PSMD1: variants seen among roughly 807,000 people sequenced by gnomAD.
PSMD1 encodes the protein proteasome 26S subunit, non-ATPase 1.
A neutral mutation model predicts 119.0 loss-of-function variants in PSMD1; 18 were observed. The ratio of observed to expected loss-of-function variants is 0.15; its 90% CI spans 0.10 to 0.22. PSMD1 has a LOEUF of 0.22. Ranked by LOEUF, PSMD1 falls within the 10% of genes least tolerant of loss-of-function variation. The pLI is 1.00. For missense variants in PSMD1, 702 were observed against 1,158.5 expected (o/e 0.61, Z 5.72); for synonymous variants, 374 against 396.6 (o/e 0.94, Z 0.68).
chr2:231,110,810 G>A (rs557900553), intron 16 of PSMD1, among the ~76,000 whole-genome samples: 2 of 152,284 alleles, frequency 1.3e-5, no homozygotes, highest in East Asian at 3.9e-4. Flanking sequence ...GTAACATATT[G>A]TCTGTGGCTG....
intron 16 of PSMD1, among the ~76,000 whole-genome samples, chr2:231,131,954 A>G (rs1695865042): frequency 6.6e-6 from 1 of 152,164 alleles, no homozygotes; most frequent in Non-Finnish European, 1.5e-5. Flanking sequence ...AATGTGTCAG[A>G]GTTGGAACTG....
At chr2:231,123,494 A>G (rs777987878) in intron 16 of PSMD1, 2 of 1,614,098 alleles carry the variant, frequency 1.2e-6, no homozygotes, top group South Asian at 1.1e-5. Context: ...ATTAGAAAGT[A>G]ATTAGTAGCA....
chr2:231,163,675 C>T lies in PSMD1; in HGVS notation c.2429C>T (p.Thr810Ile), dbSNP rs1159122584. 6.2e-7 allele frequency: 1 copy of T among 1,613,298 alleles called. No individual in the cohort carries two copies. The highest frequency in any genetic ancestry group is 1.1e-5 in the South Asian group (1 of 91,038). The part of the protein sequence containing the change: ...VQYKSNCKPS[T>I]FAYPAPLEVP... Reference sequence around the variant, plus strand: ...TATAAATCGAACTGTAAACCATCCACATTTGCATATCCTGCCCCTCTGGAA... The same window carrying T: ...TATAAATCGAACTGTAAACCATCCATATTTGCATATCCTGCCCCTCTGGAA... The change falls in exon 21 of 25, where the codon ACA becomes ATA. Residue 810 changes from threonine (T) to isoleucine (I), a missense_variant. This residue lies in a region of PSMD1 where 152 missense variants were observed against 239.3 expected (regional missense o/e 0.64). Coordinates refer to ENST00000308696, the MANE Select transcript of PSMD1 (RefSeq NM_002807.4).
intron 16 of PSMD1, chr2:231,108,754 C>T (rs1441670478): frequency 8.1e-6 from 13 of 1,614,022 alleles, no homozygotes; most frequent in Non-Finnish European, 1.0e-5. Context: ...TTTTTACTGA[C>T]TTTGTGGCCC....
intron 7 of PSMD1, among the ~76,000 whole-genome samples, chr2:231,073,772 G>A (rs1202147453): frequency 1.3e-5 from 2 of 151,702 alleles, no homozygotes; most frequent in Non-Finnish European, 2.9e-5. Flanking sequence ...TTGTGAAGTG[G>A]TATTTTTAAA....
intron 17 of PSMD1, among the ~76,000 whole-genome samples, chr2:231,144,733 T>TA (rs1229822310): frequency 1.3e-5 from 2 of 152,156 alleles, no homozygotes; most frequent in African/African-American, 4.8e-5. Context: ...GAGGTTGAAT[T>TA]ATACAAATTT....
chr2:231,168,037 G>T (rs578157707), intron 23 of PSMD1, among the ~76,000 whole-genome samples: 1 of 152,278 alleles, frequency 6.6e-6, no homozygotes, highest in Admixed American at 6.5e-5. Flanking sequence ...ATATGATTGT[G>T]CCTATGAACA....
intron 19 of PSMD1, among the ~76,000 whole-genome samples, 177 bp downstream of exon 19, chr2:231,153,843 A>G (rs1196854747): frequency 1.3e-5 from 2 of 152,124 alleles, no homozygotes; most frequent in African/African-American, 4.8e-5. Flanking sequence ...GCCGGGCGCA[A>G]TGGTTCATGC....
At chr2:231,103,697 G>A (rs1025209636) in intron 16 of PSMD1, among the ~76,000 whole-genome samples, 12 of 152,232 alleles carry the variant, frequency 7.9e-5, no homozygotes, top group African/African-American at 2.6e-4. Flanking sequence ...TTTCTAGGAG[G>A]TGATTCATTT....
At position 231,108,991 on chromosome 2, in the gene PSMD1, C is replaced by G. The variant is rs200541113; in HGVS notation, c.1883+21810C>G. The G allele has an allele frequency of 2.5e-4, 406 of 1,614,148 alleles. 1 individual carries two copies. The East Asian group carries it at 8.6e-3, about 34-fold the overall frequency. On this transcript the variant is annotated intron_variant, in intron 16 of 24. Transcript: ENST00000308696. ...AGAGGAAAAACACAATCCCTAGGACCTTTGAGGCTCTCTGTTCGTTGGAAA... is the reference window on the plus strand; with the variant it reads ...AGAGGAAAAACACAATCCCTAGGACGTTTGAGGCTCTCTGTTCGTTGGAAA...
chr2:231,137,573 G>A (rs1013044975), intron 16 of PSMD1, among the ~76,000 whole-genome samples: 5 of 151,654 alleles, frequency 3.3e-5, no homozygotes, highest in African/African-American at 1.2e-4. Context: ...TTAGATTCTG[G>A]GGGTACATGT....
intron 16 of PSMD1, among the ~76,000 whole-genome samples, chr2:231,096,357 T>G (rs1694725911): frequency 6.6e-6 from 1 of 151,634 alleles, no homozygotes; most frequent in South Asian, 2.1e-4. Context: ...GGAGATGGAG[T>G]CGGTAAGGTA....
intron 16 of PSMD1, among the ~76,000 whole-genome samples, chr2:231,136,993 T>C (rs1695982924): frequency 1.4e-5 from 2 of 145,182 alleles, no homozygotes; most frequent in Non-Finnish European, 3.0e-5. Flanking sequence ...ATAATTATAA[T>C]ATATAAATAA....
At chr2:231,160,984 G>A (rs1032824199) in intron 19 of PSMD1, among the ~76,000 whole-genome samples, 7 of 152,178 alleles carry the variant, frequency 4.6e-5, no homozygotes, top group African/African-American at 1.4e-4. Context: ...GCTGAGTCGG[G>A]AGGATCATAT....
intron 12 of PSMD1, among the ~76,000 whole-genome samples, chr2:231,081,905 A>G (rs1044129990): frequency 1.3e-5 from 2 of 152,058 alleles, no homozygotes; most frequent in African/African-American, 4.8e-5. Flanking sequence ...ACCCATGAAC[A>G]TACTCTCATC....
In PSMD1 at chr2:231,083,619, T is replaced by C. The variant is rs1694366173; in HGVS notation, c.1578T>C (p.Ala526=). ...LGLVMLGSKN[A]QAIEDMVGYA... ...TGGTTATGTTGGGCTCTAAAAATGC[T>C]CAGGCTATTGAGGACATGGTTGGTT... The change falls in exon 14 of 25, where the codon GCT becomes GCC. Residue 526 remains alanine, a synonymous_variant. Coordinates refer to ENST00000308696, the MANE Select transcript of PSMD1 (RefSeq NM_002807.4). 1 of 1,614,218 alleles carries C rather than the reference T, an allele frequency of 6.2e-7. No individual in the cohort carries two copies. Among genetic ancestry groups the C allele is most frequent in the Non-Finnish European group, 8.5e-7 (1 of 1,180,036 alleles).
rs1693788210 is a variant in PSMD1 at position 231,062,656 on chromosome 2, A to G, written c.285A>G (p.Glu95=). ...GDLFNVNDNS[E]YVETIIAKCI... ...TCTTCAATGTCAATGATAACTCTGA[A>G]TATGTGGAAACTATTATAGGTAATT... The change falls in exon 4 of 25, where the codon GAA becomes GAG. Residue 95 remains glutamate, a synonymous_variant. Transcript: ENST00000308696. 1 of 1,607,612 alleles carries G rather than the reference A, an allele frequency of 6.2e-7. No individual in the cohort carries two copies. Among genetic ancestry groups the G allele is most frequent in the Admixed American group, 1.7e-5 (1 of 58,232 alleles).
At chr2:231,146,171 G>A (rs1237179145) in intron 17 of PSMD1, 69 bp from the exon 18 acceptor site, 15 of 1,036,004 alleles carry the variant, frequency 1.4e-5, no homozygotes, top group Non-Finnish European at 2.3e-5. Flanking sequence ...CATGGCATGT[G>A]ACTATAAATT....
intron 15 of PSMD1, 54 bp from the exon 16 acceptor site, chr2:231,087,063 T>C: frequency 1.4e-6 from 2 of 1,459,832 alleles, no homozygotes; most frequent in Non-Finnish European, 1.9e-6. Context: ...TCATGTCAGT[T>C]TGGTCTAGTG....
Sources: gnomAD v4.1 joint callset for allele counts (sites outside exome capture counted in the v4.1 genomes callset) on GRCh38, gnomAD v4.1.1 for gene constraint, gnomAD v4.1.1 regional missense constraint, MANE v1.5 for transcripts, NCBI Gene and HGNC (gene_info 2026-07-23, HGNC 2026-07-21) for gene names.